FTO: variants seen among roughly 807,000 people sequenced by gnomAD.
FTO encodes the protein alpha-ketoglutarate-dependent dioxygenase FTO.
In FTO, 47 loss-of-function variants were observed where a neutral mutation model predicts 63.9. That is an observed-to-expected ratio of 0.74 (90% confidence interval 0.58 to 0.94). The LOEUF (loss-of-function observed/expected upper bound fraction) is 0.94, where lower values mean the gene tolerates loss of function less well. Among genes scored for constraint, FTO ranks in the 40% least tolerant of loss-of-function variants. The pLI, the probability that FTO is intolerant of heterozygous loss-of-function variation, is 0.00. For synonymous variants in FTO, 207 were observed against 224.4 expected, an observed-to-expected ratio of 0.92 and a Z score of 0.69; for missense variants, 562 against 618.1, an observed-to-expected ratio of 0.91 and a Z score of 0.96.
chr16:53,757,330 A>ATGTT (rs1490415570), intron 1 of FTO, among the ~76,000 whole-genome samples: 1 of 152,096 alleles, frequency 6.6e-6, no homozygotes, highest in African/African-American at 2.4e-5. Context: ...ACATCACTGA[A>ATGTT]CATATTTATG....
intron 8 of FTO, chr16:53,984,860 T>G: frequency 8.8e-6 from 4 of 452,150 alleles, no homozygotes; most frequent in South Asian, 6.3e-5. Context: ...TTTTGGATTG[T>G]TTAGCTGTCG....
intron 7 of FTO, among the ~76,000 whole-genome samples, chr16:53,917,216 C>T (rs1475637286): frequency 2.0e-5 from 3 of 152,150 alleles, no homozygotes; most frequent in Non-Finnish European, 4.4e-5. Flanking sequence ...ACCAACCTGC[C>T]GTGTCAGTTT....
At chr16:53,822,782 C>T (rs2078903262) in intron 2 of FTO, among the ~76,000 whole-genome samples, 1 of 152,082 alleles carries the variant, frequency 6.6e-6, no homozygotes, top group Non-Finnish European at 1.5e-5. Flanking sequence ...TCTACCTCTC[C>T]CCTGTGCCCC....
chr16:54,023,245 G>A (rs912681401), intron 8 of FTO, among the ~76,000 whole-genome samples: 3 of 152,102 alleles, frequency 2.0e-5, no homozygotes, highest in Non-Finnish European at 2.9e-5. Context: ...ACAGCAAACC[G>A]GGGTAACTTT....
chr16:53,813,185 C>T (rs552658670), intron 2 of FTO, among the ~76,000 whole-genome samples: 9 of 152,044 alleles, frequency 5.9e-5, no homozygotes, highest in African/African-American at 2.2e-4. Context: ...AATATCTAAT[C>T]ACTCTAAGTG....
chr16:53,749,433 CT>C (rs1381573506), intron 1 of FTO, among the ~76,000 whole-genome samples: 1 of 148,800 alleles, frequency 6.7e-6, no homozygotes, highest in African/African-American at 2.5e-5. Context: ...GATTTTAATT[CT>C]TTTTTTCTTT....
At chr16:53,730,951 G>C (rs1290721905) in intron 1 of FTO, among the ~76,000 whole-genome samples, 1 of 152,112 alleles carries the variant, frequency 6.6e-6, no homozygotes, top group Non-Finnish European at 1.5e-5. Context: ...TTAAACATTT[G>C]TATGTGCATT....
At chr16:53,842,489 C>T (rs774487139) in intron 3 of FTO, among the ~76,000 whole-genome samples, 4 of 152,128 alleles carry the variant, frequency 2.6e-5, no homozygotes, top group Non-Finnish European at 5.9e-5. Flanking sequence ...TGTATACCTT[C>T]TACCTTTTTT....
chr16:54,121,770 A>C lies in FTO; in HGVS notation c.*9855A>C, dbSNP rs2087007918. 6.6e-6 allele frequency: 1 copy of C among 152,274 alleles called. No individual in the cohort carries two copies. The highest frequency in any genetic ancestry group is 2.4e-5 in the African/African-American group (1 of 41,416). 9.4% of individuals were successfully genotyped at this position (152,274 alleles called of 1,614,324 possible). The stretch of plus-strand genomic sequence containing the variant: ...GGGTGAGTGTCATGCTTTCTAAGGC[A>C]CAGGGCTGACTAAAGGGTGTCCTAT... On this transcript the variant is annotated 3_prime_UTR_variant, in exon 9 of 9. Transcript: ENST00000471389.
At chr16:54,011,521 T>C (rs1340207307) in intron 8 of FTO, among the ~76,000 whole-genome samples, 1 of 152,202 alleles carries the variant, frequency 6.6e-6, no homozygotes, top group African/African-American at 2.4e-5. Flanking sequence ...ATACCTCGTT[T>C]TACTGGGCTT....
At chr16:54,107,603 A>G (rs2086787106) in intron 8 of FTO, among the ~76,000 whole-genome samples, 1 of 152,196 alleles carries the variant, frequency 6.6e-6, no homozygotes, top group Non-Finnish European at 1.5e-5. Context: ...TGGAGAGACT[A>G]TCTGCATTCA....
At chr16:53,991,602 G>C (rs1203533122) in intron 8 of FTO, 1 of 152,194 alleles carries the variant, frequency 6.6e-6, no homozygotes, top group African/African-American at 2.4e-5. Context: ...CTGCATCCAA[G>C]TACATTTAAC....
At chr16:53,727,043 G>A (rs987694170) in intron 1 of FTO, among the ~76,000 whole-genome samples, 6 of 152,206 alleles carry the variant, frequency 3.9e-5, no homozygotes, top group African/African-American at 1.4e-4. Context: ...GGAGAAAGAA[G>A]TTTCCCCTCT....
chr16:54,002,566 T>G (rs2084093004), intron 8 of FTO, among the ~76,000 whole-genome samples: 1 of 152,224 alleles, frequency 6.6e-6, no homozygotes, highest in African/African-American at 2.4e-5. Flanking sequence ...CGTTGCCACT[T>G]AGGGACAGTT....
intron 8 of FTO, among the ~76,000 whole-genome samples, chr16:54,053,721 C>T (rs1250898811): frequency 3.3e-5 from 5 of 152,120 alleles, no homozygotes; most frequent in African/African-American, 1.2e-4. Context: ...TTTGTCAAGC[C>T]CAGTGTTCAC....
chr16:54,069,914 G>A (rs1416836604), intron 8 of FTO: 7 of 152,256 alleles, frequency 4.6e-5, no homozygotes, highest in African/African-American at 1.4e-4. Context: ...ATAAGCCTGG[G>A]TTTGATTATT....
intron 7 of FTO, among the ~76,000 whole-genome samples, chr16:53,907,491 T>C (rs1418188667): frequency 6.6e-6 from 1 of 152,186 alleles, no homozygotes; most frequent in Non-Finnish European, 1.5e-5. Context: ...TGGCCAATGA[T>C]AGAAATGCAA....
chr16:53,892,173 ATTTGTAT>A (rs1567406218), intron 7 of FTO, among the ~76,000 whole-genome samples: 1 of 152,020 alleles, frequency 6.6e-6, no homozygotes, highest in Non-Finnish European at 1.5e-5. Flanking sequence ...ACCATCTGGT[ATTTGTAT>A]ACTCGGGTGG....
intron 7 of FTO, among the ~76,000 whole-genome samples, chr16:53,902,872 G>C (rs1459994347): frequency 6.6e-6 from 1 of 152,202 alleles, no homozygotes; most frequent in Non-Finnish European, 1.5e-5. Context: ...CTAGCTCTTA[G>C]AGAGACTGAG....
Sources: allele counts gnomAD v4.1 joint callset (sites outside exome capture counted in the v4.1 genomes callset), GRCh38; gene constraint gnomAD v4.1.1; transcripts MANE v1.5; gene names NCBI Gene and HGNC (gene_info 2026-07-23, HGNC 2026-07-21).